Variants in SDCCAG8 observed in about 807,000 individuals in gnomAD.
The protein encoded by SDCCAG8 is SHH signaling and ciliogenesis regulator SDCCAG8.
In SDCCAG8, 74 loss-of-function variants were observed where a neutral mutation model predicts 101.8. The observed-to-expected ratio is 0.73, with a 90% CI of 0.60 to 0.88. SDCCAG8 has a LOEUF of 0.88. Among genes scored for constraint, SDCCAG8 ranks in the 40% least tolerant of loss-of-function variants. The probability of loss-of-function intolerance (pLI) is 0.00; values close to 1 mark genes in which losing one functional copy is unlikely to be tolerated. For synonymous variants in SDCCAG8, 281 were observed against 292.9 expected, an observed-to-expected ratio of 0.96 and a Z score of 0.41; for missense variants, 787 against 822.6, an observed-to-expected ratio of 0.96 and a Z score of 0.53.
At position 243,489,157 on chromosome 1, in the gene SDCCAG8, G is replaced by C; in HGVS notation, c.2112+17G>C. 1 of 1,610,566 alleles carries C rather than the reference G, an allele frequency of 6.2e-7. No individual in the cohort carries two copies. Among genetic ancestry groups the C allele is most frequent in the Non-Finnish European group, 8.5e-7 (1 of 1,179,244 alleles). ...CGGACCCAGGTACTGTGCAGAACGC[G>C]GCGCAGGTGGGAGTCCTTGGGCGGG... On this transcript the variant is annotated intron_variant, in intron 17 of 17. Coordinates refer to ENST00000366541, the MANE Select transcript of SDCCAG8 (RefSeq NM_006642.5).
intron 17 of SDCCAG8, among the ~76,000 whole-genome samples, chr1:243,492,602 CTGT>C (rs1213511547): frequency 9.0e-6 from 1 of 111,330 alleles, no homozygotes; most frequent in Admixed American, 1.1e-4. Flanking sequence ...CTGCGCCCAG[CTGT>C]TTTTTTTTTT....
At chr1:243,258,789 ATAATT>A (rs2066964779) in intron 1 of SDCCAG8, among the ~76,000 whole-genome samples, 2 of 152,230 alleles carry the variant, frequency 1.3e-5, no homozygotes, top group Non-Finnish European at 2.9e-5. Flanking sequence ...AGTGTGCCTA[ATAATT>A]TAAGAATTGT....
intron 13 of SDCCAG8, among the ~76,000 whole-genome samples, chr1:243,389,909 T>C (rs779547421): frequency 6.6e-6 from 1 of 152,222 alleles, no homozygotes; most frequent in Non-Finnish European, 1.5e-5. Flanking sequence ...AGCAGGTCTC[T>C]TTCATCTCTG....
At chr1:243,354,838 T>A (rs80048362) in intron 12 of SDCCAG8, among the ~76,000 whole-genome samples, 2 of 152,312 alleles carry the variant, frequency 1.3e-5, no homozygotes, top group Non-Finnish European at 2.9e-5. Context: ...TTAAAATCAA[T>A]CAAAATGAAA....
At chr1:243,394,851 G>GTT (rs11442720) in intron 13 of SDCCAG8, among the ~76,000 whole-genome samples, 84 of 144,946 alleles carry the variant, frequency 5.8e-4, no homozygotes, top group African/African-American at 1.3e-3. Flanking sequence ...CTCTTTTTCT[G>GTT]TTTTTTTTTT....
chr1:243,306,711 T>A (rs2072168858), intron 7 of SDCCAG8, among the ~76,000 whole-genome samples: 1 of 152,172 alleles, frequency 6.6e-6, no homozygotes, highest in Non-Finnish European at 1.5e-5. Context: ...ATTCCCTACA[T>A]GATATTGAAA....
chr1:243,393,679 A>C (rs965492913), intron 13 of SDCCAG8, among the ~76,000 whole-genome samples: 2 of 152,204 alleles, frequency 1.3e-5, no homozygotes, highest in Non-Finnish European at 2.9e-5. Flanking sequence ...TAATGTATAC[A>C]GTGTGGCACA....
chr1:243,320,445 G>C (rs879424742), intron 9 of SDCCAG8, among the ~76,000 whole-genome samples: 9 of 152,108 alleles, frequency 5.9e-5, no homozygotes, highest in Non-Finnish European at 1.3e-4. Flanking sequence ...CCCGTGGTCT[G>C]TCCTAATGTG....
chr1:243,282,204 CTT>C (rs933001311), intron 4 of SDCCAG8, among the ~76,000 whole-genome samples: 1 of 147,014 alleles, frequency 6.8e-6, no homozygotes, highest in Non-Finnish European at 1.5e-5. Flanking sequence ...AATTGTACTT[CTT>C]TTTTTTTTTC....
chr1:243,382,333 C>G (rs575274101), intron 13 of SDCCAG8, among the ~76,000 whole-genome samples: 1 of 152,220 alleles, frequency 6.6e-6, no homozygotes, highest in East Asian at 1.9e-4. Flanking sequence ...CCAAGGTCAG[C>G]AATTGCAACC....
At chr1:243,429,695 ATTT>A (rs796450909) in intron 16 of SDCCAG8, among the ~76,000 whole-genome samples, 1,792 of 92,864 alleles carry the variant, frequency 0.019, 25 homozygotes, top group African/African-American at 0.075. Flanking sequence ...TGCTCTGCTA[ATTT>A]TTTTTTTTTT....
chr1:243,412,027 A>G (rs1272740238), intron 13 of SDCCAG8, among the ~76,000 whole-genome samples: 1 of 151,930 alleles, frequency 6.6e-6, no homozygotes, highest in Non-Finnish European at 1.5e-5. Flanking sequence ...GCTTTGGTAA[A>G]TTTTCCCCTT....
intron 16 of SDCCAG8, among the ~76,000 whole-genome samples, chr1:243,442,280 G>T (rs2082589792): frequency 6.6e-6 from 1 of 152,190 alleles, no homozygotes; most frequent in African/African-American, 2.4e-5. Context: ...ATCACTGGTT[G>T]TAATTGAACA....
At chr1:243,287,955 T>C (rs547627792) in intron 5 of SDCCAG8, among the ~76,000 whole-genome samples, 89 of 152,114 alleles carry the variant, frequency 5.9e-4, no homozygotes, top group African/African-American at 2.1e-3. Context: ...GCAAAGAAAA[T>C]GTGCTAAACA....
At chr1:243,326,502 TTA>T (rs1198217791) in intron 9 of SDCCAG8, among the ~76,000 whole-genome samples, 1 of 152,212 alleles carries the variant, frequency 6.6e-6, no homozygotes, top group Non-Finnish European at 1.5e-5. Flanking sequence ...GATTTGCACA[TTA>T]TCTGTCCCAA....
intron 12 of SDCCAG8, among the ~76,000 whole-genome samples, chr1:243,356,713 G>C (rs2076405304): frequency 6.6e-6 from 1 of 152,056 alleles, no homozygotes; most frequent in Non-Finnish European, 1.5e-5. Flanking sequence ...TGCTAGACAT[G>C]GTGGCTTACT....
At chr1:243,365,513 T>A (rs1019795894) in intron 12 of SDCCAG8, among the ~76,000 whole-genome samples, 1 of 152,206 alleles carries the variant, frequency 6.6e-6, no homozygotes, top group Non-Finnish European at 1.5e-5. Context: ...GATTATTTTC[T>A]AGACAGTTTC....
intron 12 of SDCCAG8, among the ~76,000 whole-genome samples, chr1:243,350,584 T>A (rs903139237): frequency 6.6e-6 from 1 of 152,164 alleles, no homozygotes; most frequent in African/African-American, 2.4e-5. Context: ...AATTGTACCT[T>A]TTACTTAGAG....
At chr1:243,394,685 T>A (rs1428141072) in intron 13 of SDCCAG8, among the ~76,000 whole-genome samples, 1 of 152,226 alleles carries the variant, frequency 6.6e-6, no homozygotes, top group African/African-American at 2.4e-5. Context: ...TTAAGGAGTT[T>A]AAATATTTTA....
Sources: gnomAD v4.1 joint callset for allele counts (sites outside exome capture counted in the v4.1 genomes callset) on GRCh38, gnomAD v4.1.1 for gene constraint, MANE v1.5 for transcripts, NCBI Gene and HGNC (gene_info 2026-07-23, HGNC 2026-07-21) for gene names.